Variants in HPS4 observed in about 807,000 individuals in gnomAD.
HPS4 encodes BLOC-3 complex member HPS4.
A neutral mutation model predicts 70.3 loss-of-function variants in HPS4; 44 were observed. The observed-to-expected ratio is 0.63, with a 90% CI of 0.49 to 0.80. The LOEUF (loss-of-function observed/expected upper bound fraction) is 0.80, where lower values mean the gene tolerates loss of function less well. Ranked by LOEUF, HPS4 falls within the 30% of genes least tolerant of loss-of-function variation. HPS4 has a pLI of 0.00. For synonymous variants in HPS4, 377 were observed against 355.9 expected, an observed-to-expected ratio of 1.06 and a Z score of -0.67; for missense variants, 873 against 884.4, an observed-to-expected ratio of 0.99 and a Z score of 0.16.
rs563251161 is a variant in HPS4, at chr22:26,472,933, C to A, written c.283G>T (p.Gly95Cys). The change falls in exon 5 of 14, where the codon GGC becomes TGC. Residue 95 changes from glycine (G) to cysteine (C), a missense_variant. Gly to Cys is a radical substitution (Grantham distance 159, BLOSUM62 -3). Transcript: ENST00000398145. Reference sequence around the variant, plus strand: ...ACATCAGGGAGCTCCACAGCACAGCCCAGCACCTGTAAAGAGAGAAACCAG... The same window carrying A: ...ACATCAGGGAGCTCCACAGCACAGCACAGCACCTGTAAAGAGAGAAACCAG... Reference protein sequence around the residue: ...KVDGDYLWVLGCAVELPDVSC... With the variant: ...KVDGDYLWVLCCAVELPDVSC... 3 of 1,614,040 alleles carry A rather than the reference C, an allele frequency of 1.9e-6. No homozygotes were observed. The highest frequency in any genetic ancestry group is 2.7e-5 in the African/African-American group (2 of 75,042).
chr22:26,474,287 C>A (rs929264227), intron 4 of HPS4, among the ~76,000 whole-genome samples: 1 of 151,874 alleles, frequency 6.6e-6, no homozygotes, highest in African/African-American at 2.4e-5. Flanking sequence ...CTTAAATGGT[C>A]ATCTGATCTT....
intron 8 of HPS4, chr22:26,466,709 A>G (rs2088693331): frequency 4.4e-6 from 1 of 229,508 alleles, no homozygotes; most frequent in South Asian, 5.5e-5. Context: ...AAAGGATTTG[A>G]CTTAAACAAA....
chr22:26,483,736 G>C lies in HPS4; in HGVS notation c.-541C>G. ...CTCTGGACCAGAAATGTGGGCAGCA[G>C]CTGGGTACCTGCGACTTCTGCCCCG... On this transcript the variant is annotated 5_prime_UTR_variant, in exon 1 of 14. Coordinates refer to ENST00000398145, the MANE Select transcript of HPS4 (RefSeq NM_022081.6). 1 of 458,298 alleles carries C rather than the reference G, an allele frequency of 2.2e-6. No homozygotes were observed. Among genetic ancestry groups the C allele is most frequent in the Non-Finnish European group, 3.6e-6 (1 of 277,140 alleles). The allele number at this position is 458,298 out of a possible 1,614,324, so 28.4% of individuals were successfully genotyped here.
chr22:26,479,720 T>A, intron 2 of HPS4: 1 of 1,070,094 alleles, frequency 9.3e-7, no homozygotes, highest in Non-Finnish European at 1.1e-6. Context: ...CAAAATAAGT[T>A]AGGGATGTAT....
At chr22:26,456,306 T>C (rs1332587681) in intron 13 of HPS4, among the ~76,000 whole-genome samples, 1 of 152,258 alleles carries the variant, frequency 6.6e-6, no homozygotes, top group Non-Finnish European at 1.5e-5. Flanking sequence ...AATATAACCC[T>C]GGGCAAGCTG....
Position 26,452,313 on chromosome 22 carries a change from T to C in HPS4, c.*920A>G, listed in dbSNP as rs1461708559. On this transcript the variant is annotated 3_prime_UTR_variant, in exon 14 of 14. Transcript: ENST00000398145. ...TGTCTCATACTGTCAAAAAAATGTCTGACTATAACGTAATAGAACTGAGGT... is the reference window on the plus strand; with the variant it reads ...TGTCTCATACTGTCAAAAAAATGTCCGACTATAACGTAATAGAACTGAGGT... 2.2e-6 allele frequency: 1 copy of C among 456,204 alleles called. No homozygotes were observed. The highest frequency in any genetic ancestry group is 1.6e-5 in the South Asian group (1 of 64,374). The allele number at this position is 456,204 out of a possible 1,614,324, so 28.3% of individuals were successfully genotyped here. A position where few individuals can be genotyped will look rare whatever the true frequency, so the allele number is the denominator to read the frequency against.
At chr22:26,457,660 G>C (rs2086394570) in intron 13 of HPS4, among the ~76,000 whole-genome samples, 199 bp downstream of exon 13, 1 of 152,250 alleles carries the variant, frequency 6.6e-6, no homozygotes, top group South Asian at 2.1e-4. Flanking sequence ...AAAGTAGGAA[G>C]GGAACCAGAA....
At chr22:26,456,167 G>A (rs2086101543) in intron 13 of HPS4, among the ~76,000 whole-genome samples, 1 of 152,174 alleles carries the variant, frequency 6.6e-6, no homozygotes, top group African/African-American at 2.4e-5. Context: ...CAGGCTCCCT[G>A]TCAGTCCACC....
rs1411662887 is a variant in HPS4 at position 26,464,215 on chromosome 22, G to A, written c.1415C>T (p.Pro472Leu). 8.7e-6 allele frequency: 14 copies of A among 1,614,120 alleles called. No individual in the cohort carries two copies. The highest frequency in any genetic ancestry group is 1.2e-5 in the Non-Finnish European group (14 of 1,180,068). ...TCCTCTCTGTCCTGGATCTAAGCGA[G>A]GCAATAACAAGGGCCTGCGGGTCCT... ...PRRTRRPLLLPRLDPGQRGNK... is the reference protein window; with the variant it reads ...PRRTRRPLLLLRLDPGQRGNK... The change falls in exon 11 of 14, where the codon CCT (proline) becomes CTT (leucine). Residue 472 changes from proline to leucine, a missense_variant. Pro to Leu is a moderately conservative substitution (Grantham distance 98). Transcript: ENST00000398145.
intron 4 of HPS4, among the ~76,000 whole-genome samples, chr22:26,474,482 T>G (rs2146857099): frequency 6.6e-6 from 1 of 152,154 alleles, no homozygotes; most frequent in Non-Finnish European, 1.5e-5. Context: ...ATCAAATTCT[T>G]ACAAAAAATA....
At chr22:26,476,903 A>C in intron 4 of HPS4, 90 bp downstream of exon 4, 1 of 1,388,364 alleles carries the variant, frequency 7.2e-7, no homozygotes, top group Non-Finnish European at 1.0e-6. Flanking sequence ...TGGTGGGGGC[A>C]GATAATTCTA....
chr22:26,476,759 A>T (rs1358561320), intron 4 of HPS4: 1 of 511,770 alleles, frequency 2.0e-6, no homozygotes. Flanking sequence ...TAAGTCTTTG[A>T]AAGGAAAGGA....
chr22:26,474,921 T>C (rs539668092), intron 4 of HPS4, among the ~76,000 whole-genome samples: 2 of 152,242 alleles, frequency 1.3e-5, no homozygotes, highest in South Asian at 2.1e-4. Context: ...GAACAGACTG[T>C]CAATCTCAAT....
Position 26,481,855 on chromosome 22 carries a change from A to G in HPS4, c.-93T>C, listed in dbSNP as rs759331653. 1.5e-5 allele frequency: 18 copies of G among 1,200,372 alleles called. No individual in the cohort carries two copies. Among genetic ancestry groups the G allele is most frequent in the African/African-American group, 7.5e-5 (5 of 67,044 alleles). The allele number at this position is 1,200,372 out of a possible 1,614,324, so 74.4% of individuals were successfully genotyped here. ...GCTGTGACCGTTCCTCTATCCCCCA[A>G]TCCAGTGAATCTGGACGTGGTAGGT... On this transcript the variant is annotated 5_prime_UTR_variant, in exon 2 of 14. Transcript: ENST00000398145.
At chr22:26,479,046 A>C (rs1180076432) in intron 3 of HPS4, among the ~76,000 whole-genome samples, 4 of 152,236 alleles carry the variant, frequency 2.6e-5, no homozygotes, top group African/African-American at 4.8e-5. Context: ...GCAGACAAAA[A>C]TCATGATGGA....
rs759641785 is a variant in HPS4 at position 26,457,935 on chromosome 22, G to C, written c.1879C>G (p.Arg627Gly). 6.2e-7 allele frequency: 1 copy of C among 1,614,034 alleles called. No individual in the cohort carries two copies. Among genetic ancestry groups the C allele is most frequent in the Non-Finnish European group, 8.5e-7 (1 of 1,180,022 alleles). ...AGGCTGACGGCCTGGAGGAAGCGGC[G>C]ATCCTGCGGGGTGGCCACCTGCGGC... ...NLPQVATPQD[R>G]RFLQAVSLMH... Residue 627 changes from arginine to glycine, a missense_variant, in exon 13 of 14, where the codon CGC (arginine) becomes GGC (glycine). Transcript: ENST00000398145.
chr22:26,480,161 AG>A (rs1014884013), intron 2 of HPS4, among the ~76,000 whole-genome samples: 2 of 152,112 alleles, frequency 1.3e-5, no homozygotes, highest in Non-Finnish European at 2.9e-5. Flanking sequence ...AACACCTCAA[AG>A]GCCAGGCCTC....
chr22:26,448,745 A>G (rs1175898213), downstream of HPS4, among the ~76,000 whole-genome samples: 1 of 152,034 alleles, frequency 6.6e-6, no homozygotes. Context: ...ATACTGGATC[A>G]ACAGAGAAGG....
intron 12 of HPS4, among the ~76,000 whole-genome samples, 184 bp from the exon 13 acceptor site, chr22:26,458,151 G>A (rs912160312): frequency 7.9e-5 from 12 of 152,246 alleles, no homozygotes; most frequent in South Asian, 2.1e-4. Context: ...TGCAGCACCC[G>A]GTTTCTGCGT....
Sources: allele counts gnomAD v4.1 joint callset (sites outside exome capture counted in the v4.1 genomes callset), GRCh38; gene constraint gnomAD v4.1.1; transcripts MANE v1.5; gene names NCBI Gene and HGNC (gene_info 2026-07-23, HGNC 2026-07-21).